OIP5: variants seen among roughly 807,000 people sequenced by gnomAD.
OIP5 encodes the protein protein Mis18-beta.
OIP5 carries 24 observed loss-of-function variants against 20.3 expected under a neutral mutation model. That is an observed-to-expected ratio of 1.18 (90% CI 0.86 to 1.66). OIP5 has a LOEUF of 1.66. OIP5 is among the 40% of genes most tolerant of loss of function. The pLI is 0.00. For synonymous variants in OIP5, 143 were observed against 121.3 expected, an observed-to-expected ratio of 1.18 and a Z score of -1.17; for missense variants, 339 against 289.5, an observed-to-expected ratio of 1.17 and a Z score of -1.24.
rs149802500 is a variant in OIP5 at position 41,332,535 on chromosome 15, G to A, written c.27C>T (p.Arg9=). Residue 9 remains arginine (R), a synonymous_variant, in exon 1 of 5, where the codon CGC becomes CGT. Coordinates refer to ENST00000220514, the MANE Select transcript of OIP5 (RefSeq NM_007280.2). ...CCCGGGGCGGCGTTGCACAACGTGA[G>A]CGATGCCGCAGCGGCTGAGCCGCCA... MAAQPLRH[R]SRCATPPRGD... The A allele has an allele frequency of 9.9e-6, 16 of 1,610,904 alleles. No individual in the cohort carries two copies. The Admixed American group carries it at 1.7e-4, about 17-fold the overall frequency.
intron 2 of OIP5, among the ~76,000 whole-genome samples, chr15:41,323,082 T>C (rs1405888569): frequency 6.6e-6 from 1 of 152,178 alleles, no homozygotes; most frequent in East Asian, 1.9e-4. Context: ...CTTGTGAATA[T>C]AGTTAACCAA....
intron 2 of OIP5, among the ~76,000 whole-genome samples, chr15:41,325,668 C>G (rs144041711): frequency 6.9e-6 from 1 of 145,782 alleles, no homozygotes; most frequent in Non-Finnish European, 1.5e-5. Context: ...CTGGCAAACA[C>G]GGCGAAACCC....
At chr15:41,319,635 G>A in intron 3 of OIP5, 23 bp downstream of exon 3, 1 of 1,577,964 alleles carries the variant, frequency 6.3e-7, no homozygotes, top group Non-Finnish European at 8.6e-7. Flanking sequence ...TGTATTTGAT[G>A]ATCAATATCT....
Position 41,320,812 on chromosome 15 carries a change from G to A in OIP5, c.390-1032C>T, listed in dbSNP as rs1195637027. On this transcript the variant is annotated intron_variant, in intron 2 of 4. Coordinates refer to ENST00000220514, the MANE Select transcript of OIP5 (RefSeq NM_007280.2). ...TGGAAAGTGAGGAGCGTCTCTGCCCGCCCGCCATCCCATCTAGGAAGTGAG... is the reference window on the plus strand; with the variant it reads ...TGGAAAGTGAGGAGCGTCTCTGCCCACCCGCCATCCCATCTAGGAAGTGAG... Among the ~76,000 whole-genome samples the A allele has an allele frequency of 6.1e-3, 930 of 151,488 alleles. 13 individuals carry two copies. The highest frequency in any genetic ancestry group is 0.021 in the African/African-American group (871 of 41,232).
At chr15:41,332,065 CG>C (rs1347416203) in intron 1 of OIP5, 84 bp from the exon 2 acceptor site, 1 of 1,433,832 alleles carries the variant, frequency 7.0e-7, no homozygotes. Flanking sequence ...TCATCCTGGC[CG>C]TAAATATCAG....
At chr15:41,310,104 C>A (rs556963181) in intron 4 of OIP5, among the ~76,000 whole-genome samples, 4 of 152,116 alleles carry the variant, frequency 2.6e-5, no homozygotes, top group African/African-American at 9.7e-5. Flanking sequence ...GAACTCCTGG[C>A]AGTCAGTGAT....
intron 4 of OIP5, among the ~76,000 whole-genome samples, chr15:41,312,319 G>A (rs1389359810): frequency 6.6e-6 from 1 of 151,624 alleles, no homozygotes; most frequent in Non-Finnish European, 1.5e-5. Context: ...GTGCCACCAC[G>A]CCCGGCTAAT....
At chr15:41,318,597 C>T (rs755384070) in intron 3 of OIP5, among the ~76,000 whole-genome samples, 1 of 152,032 alleles carries the variant, frequency 6.6e-6, no homozygotes, top group Non-Finnish European at 1.5e-5. Flanking sequence ...CATCTGGCAA[C>T]AAGTTTCTTT....
chr15:41,330,703 C>T (rs542947692), intron 2 of OIP5, among the ~76,000 whole-genome samples: 73 of 152,190 alleles, frequency 4.8e-4, no homozygotes, highest in African/African-American at 1.6e-3. Flanking sequence ...ACGCCCGGCC[C>T]GTAATCAGTA....
At chr15:41,327,456 C>T (rs375111192) in intron 2 of OIP5, among the ~76,000 whole-genome samples, 3 of 151,244 alleles carry the variant, frequency 2.0e-5, no homozygotes, top group Non-Finnish European at 2.9e-5. Flanking sequence ...GGATTACAGG[C>T]GTGAGTCACT....
chr15:41,309,733 C>T lies in OIP5; in HGVS notation c.*21G>A, dbSNP rs369999957. 2.0e-5 allele frequency: 31 copies of T among 1,524,464 alleles called. No individual in the cohort carries two copies. In the African/African-American group the frequency reaches 4.1e-4, roughly 20 times the overall value. 94.4% of individuals were successfully genotyped at this position (1,524,464 alleles called of 1,614,324 possible). A position where few individuals can be genotyped will look rare whatever the true frequency, so the allele number is the denominator to read the frequency against. On this transcript the variant is annotated 3_prime_UTR_variant, in exon 5 of 5. Transcript: ENST00000220514. Reference sequence around the variant, plus strand: ...AGACAGCAATAAAGCCTGAACCTGACACTCAAGCTTTGGTACAGGATCAGT... The same window carrying T: ...AGACAGCAATAAAGCCTGAACCTGATACTCAAGCTTTGGTACAGGATCAGT...
intron 4 of OIP5, among the ~76,000 whole-genome samples, chr15:41,312,606 C>G (rs2047763514): frequency 2.0e-5 from 3 of 151,468 alleles, no homozygotes; most frequent in Admixed American, 6.6e-5. Flanking sequence ...ATTACAGGCG[C>G]CCACCACCAT....
intron 2 of OIP5, 114 bp from the exon 3 acceptor site, chr15:41,319,894 T>C: frequency 1.3e-6 from 1 of 792,324 alleles, no homozygotes; most frequent in Non-Finnish European, 1.9e-6. Context: ...AATTACATTG[T>C]AATAGGAATG....
chr15:41,327,902 G>A (rs2047872082), intron 2 of OIP5, among the ~76,000 whole-genome samples: 1 of 152,144 alleles, frequency 6.6e-6, no homozygotes, highest in Non-Finnish European at 1.5e-5. Flanking sequence ...GAGTTCAGGA[G>A]TTCAAAACCA....
At chr15:41,328,971 T>G (rs1567028436) in intron 2 of OIP5, among the ~76,000 whole-genome samples, 1 of 139,058 alleles carries the variant, frequency 7.2e-6, no homozygotes, top group Non-Finnish European at 1.5e-5. Flanking sequence ...GAGGCTGAGG[T>G]AGGAGAATAG....
At chr15:41,328,966 T>C (rs1212051050) in intron 2 of OIP5, among the ~76,000 whole-genome samples, 1 of 144,264 alleles carries the variant, frequency 6.9e-6, no homozygotes, top group Non-Finnish European at 1.5e-5. Context: ...CTCGGGAGGC[T>C]GAGGTAGGAG....
intron 3 of OIP5, among the ~76,000 whole-genome samples, chr15:41,319,074 CTTTTTTT>C (rs755273212): frequency 7.1e-6 from 1 of 141,344 alleles, no homozygotes; most frequent in Non-Finnish European, 1.6e-5. Context: ...TGTCTTTTTT[CTTTTTTT>C]TTTTTTTGAG....
chr15:41,316,396 C>T (rs1311777525), intron 3 of OIP5, among the ~76,000 whole-genome samples: 1 of 152,062 alleles, frequency 6.6e-6, no homozygotes, highest in East Asian at 1.9e-4. Context: ...AAATGGTATA[C>T]CTAATGCACA....
chr15:41,313,812 G>C (rs905548113), intron 3 of OIP5, among the ~76,000 whole-genome samples: 4 of 152,034 alleles, frequency 2.6e-5, no homozygotes, highest in Non-Finnish European at 5.9e-5. Flanking sequence ...AGAAACTTGA[G>C]TGTCCATGGA....
Sources: allele counts gnomAD v4.1 joint callset (sites outside exome capture counted in the v4.1 genomes callset), GRCh38; gene constraint gnomAD v4.1.1; transcripts MANE v1.5; gene names NCBI Gene and HGNC (gene_info 2026-07-23, HGNC 2026-07-21).